DAPK1: variants seen among roughly 807,000 people sequenced by gnomAD.
The protein encoded by DAPK1 is death associated protein kinase 1.
DAPK1 carries 56 observed loss-of-function variants against 144.9 expected under a neutral mutation model. The observed-to-expected ratio is 0.39, with a 90% CI of 0.31 to 0.48. The LOEUF is 0.48. DAPK1 is among the 20% of genes least tolerant of loss of function. DAPK1 has a pLI of 0.95. For synonymous variants in DAPK1, 690 were observed against 749.0 expected, an observed-to-expected ratio of 0.92 and a Z score of 1.29; for missense variants, 1,454 against 1,875.4, an observed-to-expected ratio of 0.78 and a Z score of 4.15.
intron 18 of DAPK1, among the ~76,000 whole-genome samples, chr9:87,664,617 G>A (rs781322563): frequency 1.8e-4 from 27 of 152,188 alleles, no homozygotes; most frequent in Admixed American, 3.3e-4. Context: ...AATCGTATCC[G>A]GATTTCTCCT....
intron 2 of DAPK1, 62 bp from the exon 3 acceptor site, chr9:87,604,892 A>T: frequency 6.7e-7 from 1 of 1,503,428 alleles, no homozygotes. Context: ...ACCATGCCAC[A>T]TCCTCACTCA....
intron 15 of DAPK1, 46 bp from the exon 16 acceptor site, chr9:87,649,875 C>G (rs1356013790): frequency 3.8e-6 from 6 of 1,594,894 alleles, no homozygotes; most frequent in Non-Finnish European, 5.2e-6. Context: ...TACTTTGTTT[C>G]TCATTATTGT....
chr9:87,690,784 C>T (rs1164648980), intron 21 of DAPK1, among the ~76,000 whole-genome samples: 3 of 151,998 alleles, frequency 2.0e-5, no homozygotes, highest in Non-Finnish European at 4.4e-5. Flanking sequence ...TTGTCAAATG[C>T]TTTTTCGGCA....
In DAPK1 at chr9:87,706,222, G is replaced by A. The variant is rs368803870; in HGVS notation, c.3151G>A (p.Val1051Met). 9.5e-5 allele frequency: 153 copies of A among 1,613,434 alleles called. 1 individual carries two copies. In the South Asian group the frequency reaches 1.1e-3, roughly 12 times the overall value. The change falls in exon 26 of 26, where the codon GTG becomes ATG. Residue 1051 changes from valine (V) to methionine (M), a missense_variant. This residue lies in a region of DAPK1 where 1,025 missense variants were observed against 1,237.9 expected (regional missense o/e 0.83). Transcript: ENST00000408954. The surrounding 1 kb of genome is among the most constrained non-coding windows in gnomAD (Gnocchi z 9.0). ...AAACGTCCTGGGGAAGTTGCTGTCC[G>A]TGGAGACCCCACGGGCGCTGCACCA... Reference protein sequence around the residue: ...CTNVLGKLLSVETPRALHHYR... With the variant: ...CTNVLGKLLSMETPRALHHYR...
chr9:87,680,709 T>C (rs1249431409), intron 19 of DAPK1, among the ~76,000 whole-genome samples: 1 of 152,034 alleles, frequency 6.6e-6, no homozygotes, highest in Non-Finnish European at 1.5e-5. Flanking sequence ...CAACTTGTCA[T>C]GCATCAAAAT....
intron 2 of DAPK1, among the ~76,000 whole-genome samples, chr9:87,559,828 G>GT (rs1474268246): frequency 6.6e-6 from 1 of 152,048 alleles, no homozygotes; most frequent in Non-Finnish European, 1.5e-5. Flanking sequence ...GCCCCAGTGA[G>GT]TGACCCAGTG....
intron 19 of DAPK1, among the ~76,000 whole-genome samples, chr9:87,675,189 A>G (rs1049959040): frequency 2.0e-5 from 3 of 152,154 alleles, no homozygotes; most frequent in Non-Finnish European, 2.9e-5. Flanking sequence ...CACAGAGACC[A>G]TCTGGCCCTC....
At chr9:87,525,468 T>TAAA in intron 2 of DAPK1, 4 of 1,552,528 alleles carry the variant, frequency 2.6e-6, no homozygotes, top group Middle Eastern at 2.3e-4. Context: ...TTCATTAAGT[T>TAAA]GGACTAAATG....
intron 3 of DAPK1, among the ~76,000 whole-genome samples, chr9:87,605,574 TATCTCTTCCCCC>T (rs1412428318): frequency 3.3e-5 from 5 of 152,136 alleles, no homozygotes; most frequent in Non-Finnish European, 7.4e-5. Context: ...CTGTTCTCTT[TATCTCTTCCCCC>T]ATCTCTTCCC....
chr9:87,554,445 CT>C (rs1254294611), intron 2 of DAPK1: 1 of 104,478 alleles, frequency 9.6e-6, no homozygotes, highest in Non-Finnish European at 1.7e-5. Context: ...AAATGTAATA[CT>C]AAAAAAAAAA....
At chr9:87,642,616 G>GTGA (rs1274562384) in intron 10 of DAPK1, among the ~76,000 whole-genome samples, 1 of 152,154 alleles carries the variant, frequency 6.6e-6, no homozygotes, top group African/African-American at 2.4e-5. Flanking sequence ...GGCTAAGAAG[G>GTGA]TGATGGGATG....
chr9:87,704,748 G>A (rs561527643), intron 25 of DAPK1, among the ~76,000 whole-genome samples: 14 of 152,264 alleles, frequency 9.2e-5, no homozygotes, highest in African/African-American at 2.9e-4. Flanking sequence ...TTTCAACCTA[G>A]GTTCAATTCT....
intron 3 of DAPK1, among the ~76,000 whole-genome samples, chr9:87,627,517 G>A (rs1408195881): frequency 1.3e-5 from 2 of 151,156 alleles, no homozygotes; most frequent in Admixed American, 6.6e-5. Flanking sequence ...CCTTGCCCCC[G>A]GCAGCTCTCA....
Position 87,707,446 on chromosome 9 carries a change from C to A in DAPK1, c.*82C>A, listed in dbSNP as rs770771931. ...TAGCCCATCCTTCCCTTTGGAGATG[C>A]TGAGGGTGTTTCTTCCTGCACCCAC... On this transcript the variant is annotated 3_prime_UTR_variant, in exon 26 of 26. Coordinates refer to ENST00000408954, the MANE Select transcript of DAPK1 (RefSeq NM_004938.4). The surrounding 1 kb of genome is among the most constrained non-coding windows in gnomAD (Gnocchi z 4.0). 79 of 982,254 alleles carry A rather than the reference C, an allele frequency of 8.0e-5. No homozygotes were observed. In the Middle Eastern group the frequency reaches 1.9e-3, roughly 24 times the overall value. The allele number at this position is 982,254 out of a possible 1,614,324, so 60.8% of individuals were successfully genotyped here.
intron 3 of DAPK1, among the ~76,000 whole-genome samples, chr9:87,619,677 A>T (rs541543575): frequency 2.6e-5 from 4 of 152,286 alleles, no homozygotes; most frequent in African/African-American, 9.6e-5. Flanking sequence ...TTCAAGCTGG[A>T]TGCATGGGAT....
intron 2 of DAPK1, among the ~76,000 whole-genome samples, chr9:87,518,996 A>G (rs1418354249): frequency 6.6e-6 from 1 of 152,140 alleles, no homozygotes; most frequent in Non-Finnish European, 1.5e-5. Flanking sequence ...AGATTAGAAC[A>G]GAGGATTTCG....
intron 2 of DAPK1, among the ~76,000 whole-genome samples, chr9:87,587,788 A>G (rs1827989365): frequency 6.6e-6 from 1 of 152,242 alleles, no homozygotes. Context: ...CTCGCTCAAG[A>G]TGGCTTCTTC....
chr9:87,589,428 G>A (rs552748873), intron 2 of DAPK1, among the ~76,000 whole-genome samples: 1 of 151,922 alleles, frequency 6.6e-6, no homozygotes, highest in Non-Finnish European at 1.5e-5. Flanking sequence ...CTAAGTGAAG[G>A]GCCCAGACTC....
At chr9:87,659,260 CCA>C (rs1830743519) in intron 18 of DAPK1, among the ~76,000 whole-genome samples, 1 of 152,080 alleles carries the variant, frequency 6.6e-6, no homozygotes, top group Non-Finnish European at 1.5e-5. Flanking sequence ...CTCTGCAGGC[CCA>C]GTTATTACCA....
Sources: allele counts gnomAD v4.1 joint callset (sites outside exome capture counted in the v4.1 genomes callset), GRCh38; gene constraint gnomAD v4.1.1; regional missense constraint gnomAD v4.1.1; non-coding constraint Gnocchi (gnomAD v3.1); transcripts MANE v1.5; gene names NCBI Gene and HGNC (gene_info 2026-07-23, HGNC 2026-07-21).